BRINP1: variants seen among roughly 807,000 people sequenced by gnomAD.
BRINP1 encodes the protein BMP/retinoic acid-inducible neural-specific protein 1.
A neutral mutation model predicts 72.9 loss-of-function variants in BRINP1; 17 were observed. That is an observed-to-expected ratio of 0.23 (90% CI 0.16 to 0.35). BRINP1 has a LOEUF of 0.35. Ranked by LOEUF, BRINP1 falls within the 10% of genes least tolerant of loss-of-function variation. The pLI, the probability that BRINP1 is intolerant of heterozygous loss-of-function variation, is 1.00. For synonymous variants in BRINP1, 418 were observed against 378.5 expected (o/e 1.10, Z -1.21); for missense variants, 850 against 1,001.6 (o/e 0.85, Z 2.04).
chr9:119,230,013 GAGA>G (rs1473227844), intron 5 of BRINP1, among the ~76,000 whole-genome samples: 13 of 152,000 alleles, frequency 8.6e-5, no homozygotes, highest in African/African-American at 2.2e-4. Context: ...GCAACTCCTA[GAGA>G]AGAAGTTGTG....
At chr9:119,338,882 C>G (rs1831379499) in intron 1 of BRINP1, among the ~76,000 whole-genome samples, 2 of 143,994 alleles carry the variant, frequency 1.4e-5, no homozygotes, top group Non-Finnish European at 3.0e-5. Flanking sequence ...GAGACTCCGT[C>G]TCAAAAAAAA....
intron 1 of BRINP1, among the ~76,000 whole-genome samples, chr9:119,340,412 G>A (rs755818105): frequency 3.3e-5 from 5 of 150,796 alleles, no homozygotes; most frequent in Non-Finnish European, 7.4e-5. Context: ...AACCTCTGAG[G>A]GAAAAAAAAA....
chr9:119,168,265 A>T, intron 7 of BRINP1, 41 bp from the exon 8 acceptor site: 1 of 1,443,170 alleles, frequency 6.9e-7, no homozygotes, highest in Non-Finnish European at 9.2e-7. Context: ...AGCTACCATG[A>T]GTGGGTCTGT....
intron 4 of BRINP1, among the ~76,000 whole-genome samples, chr9:119,239,200 G>A (rs1461257728): frequency 6.6e-6 from 1 of 152,184 alleles, no homozygotes; most frequent in Non-Finnish European, 1.5e-5. Context: ...TGTGAGACCA[G>A]GTACGATGGG....
intron 7 of BRINP1, among the ~76,000 whole-genome samples, chr9:119,207,990 T>C (rs1021875067): frequency 1.3e-5 from 2 of 152,250 alleles, no homozygotes; most frequent in African/African-American, 4.8e-5. Context: ...CCCGGAAGAA[T>C]AGAGTCCAAA....
chr9:119,251,767 G>A (rs552477704), intron 2 of BRINP1, among the ~76,000 whole-genome samples: 4 of 152,224 alleles, frequency 2.6e-5, no homozygotes, highest in Admixed American at 2.6e-4. Context: ...GGGCATGGGG[G>A]AAAGACCTTG....
At chr9:119,202,104 C>G (rs1230633563) in intron 7 of BRINP1, among the ~76,000 whole-genome samples, 1 of 152,118 alleles carries the variant, frequency 6.6e-6, no homozygotes, top group Non-Finnish European at 1.5e-5. Context: ...AGAAGGGATT[C>G]TGGTGGGCTT....
intron 6 of BRINP1, chr9:119,213,644 C>G (rs1025890610): frequency 8.7e-6 from 5 of 577,814 alleles, no homozygotes; most frequent in African/African-American, 7.5e-5. Context: ...CAGAGGCTTC[C>G]TATGCAGATT....
chr9:119,306,193 G>T (rs1343256900), intron 2 of BRINP1, among the ~76,000 whole-genome samples: 1 of 152,176 alleles, frequency 6.6e-6, no homozygotes, highest in Admixed American at 6.5e-5. Flanking sequence ...ACTCACAGAA[G>T]TCAGTTCAGT....
At chr9:119,255,243 C>T (rs1035062194) in intron 2 of BRINP1, among the ~76,000 whole-genome samples, 1 of 152,218 alleles carries the variant, frequency 6.6e-6, no homozygotes, top group Non-Finnish European at 1.5e-5. Context: ...CAAGCAAATT[C>T]CCCTTGGAGG....
intron 1 of BRINP1, among the ~76,000 whole-genome samples, chr9:119,361,838 C>G (rs1296218412): frequency 2.3e-5 from 3 of 131,224 alleles, no homozygotes; most frequent in African/African-American, 8.5e-5. Flanking sequence ...GAGTCTCGCT[C>G]TGTCGCCCAG....
chr9:119,269,592 T>C (rs998458053), intron 2 of BRINP1, among the ~76,000 whole-genome samples: 1 of 152,228 alleles, frequency 6.6e-6, no homozygotes, highest in Non-Finnish European at 1.5e-5. Context: ...TCAAATACCT[T>C]AGTTTAATCC....
intron 6 of BRINP1, among the ~76,000 whole-genome samples, chr9:119,212,754 T>C (rs1274123422): frequency 6.6e-6 from 1 of 152,210 alleles, no homozygotes; most frequent in Non-Finnish European, 1.5e-5. Flanking sequence ...GCTTGGCATC[T>C]CTTCTTGGAA....
intron 3 of BRINP1, among the ~76,000 whole-genome samples, chr9:119,248,724 G>A (rs185229959): frequency 4.6e-5 from 7 of 152,312 alleles, no homozygotes; most frequent in Admixed American, 1.3e-4. Context: ...AGGTTAAGCC[G>A]TATTTTCAGA....
At chr9:119,290,310 C>T (rs1001381473) in intron 2 of BRINP1, among the ~76,000 whole-genome samples, 10 of 152,160 alleles carry the variant, frequency 6.6e-5, no homozygotes, top group Admixed American at 3.9e-4. Flanking sequence ...GGGTCAGGAA[C>T]AGACAGACAT....
At chr9:119,353,248 T>C (rs1240946473) in intron 1 of BRINP1, among the ~76,000 whole-genome samples, 1 of 152,238 alleles carries the variant, frequency 6.6e-6, no homozygotes, top group African/African-American at 2.4e-5. Flanking sequence ...CAAATCATTG[T>C]GGTGCTCTTC....
chr9:119,217,087 C>T (rs1278029570), intron 5 of BRINP1, among the ~76,000 whole-genome samples: 6 of 152,146 alleles, frequency 3.9e-5, no homozygotes, highest in Non-Finnish European at 5.9e-5. Flanking sequence ...ACCATTTCTA[C>T]GGCAGCGGAG....
chr9:119,284,048 G>C (rs1830737046), intron 2 of BRINP1, among the ~76,000 whole-genome samples: 1 of 152,114 alleles, frequency 6.6e-6, no homozygotes, highest in Non-Finnish European at 1.5e-5. Flanking sequence ...GTTTTAATGA[G>C]ATCCTCAGCT....
chr9:119,265,920 T>G (rs1830544592), intron 2 of BRINP1, among the ~76,000 whole-genome samples: 1 of 152,196 alleles, frequency 6.6e-6, no homozygotes, highest in African/African-American at 2.4e-5. Flanking sequence ...CCAGAGTCTG[T>G]TGTTCCCTTC....
Sources: allele counts gnomAD v4.1 joint callset (sites outside exome capture counted in the v4.1 genomes callset), GRCh38; gene constraint gnomAD v4.1.1; transcripts MANE v1.5; gene names NCBI Gene and HGNC (gene_info 2026-07-23, HGNC 2026-07-21).